Variants in PHF20L1 observed in about 807,000 individuals in gnomAD.
PHF20L1 encodes PHD finger protein 20-like protein 1.
PHF20L1 carries 44 observed loss-of-function variants against 125.5 expected under a neutral mutation model. The observed-to-expected ratio is 0.35, with a 90% confidence interval of 0.28 to 0.45. The LOEUF is 0.45. PHF20L1 is among the 20% of genes least tolerant of loss of function. The probability of loss-of-function intolerance (pLI) is 1.00; values close to 1 mark genes in which losing one functional copy is unlikely to be tolerated. For synonymous variants in PHF20L1, 380 were observed against 403.1 expected, an observed-to-expected ratio of 0.94 and a Z score of 0.69; for missense variants, 1,012 against 1,217.2, an observed-to-expected ratio of 0.83 and a Z score of 2.51.
intron 19 of PHF20L1, chr8:132,843,847 C>G: frequency 1.0e-6 from 1 of 985,164 alleles, no homozygotes; most frequent in Non-Finnish European, 1.2e-6. Context: ...AGAGGCCAGT[C>G]TAAATTAATC....
Position 132,832,307 on chromosome 8 carries a change from G to T in PHF20L1, c.1817G>T (p.Gly606Val). Residue 606 changes from glycine to valine, a missense_variant, in exon 15 of 21, where the codon GGG becomes GTG. Gly to Val is a moderately radical substitution (Grantham distance 109, BLOSUM62 -3). Coordinates refer to ENST00000395386, the MANE Select transcript of PHF20L1 (RefSeq NM_016018.5). ...TCTTCTCCACTAACTCGATCTTCTG[G>T]GAGTTCTCTGGCTTCACGAAGCATG... ...RCSSPLTRSS[G>V]SSLASRSMFT... 6.2e-7 allele frequency: 1 copy of T among 1,609,200 alleles called. No individual in the cohort carries two copies. Among genetic ancestry groups the T allele is most frequent in the African/African-American group, 1.3e-5 (1 of 74,812 alleles).
chr8:132,846,092 T>G lies in PHF20L1; in HGVS notation c.*169T>G. 1 of 529,266 alleles carries G rather than the reference T, an allele frequency of 1.9e-6. No individual in the cohort carries two copies. Among genetic ancestry groups the G allele is most frequent in the Non-Finnish European group, 3.3e-6 (1 of 299,784 alleles). The allele number at this position is 529,266 out of a possible 1,614,324, so 32.8% of individuals were successfully genotyped here. ...GAAAGAAAAATGAAGAACAACTTTA[T>G]CAAGGAAGCTAGTATTTAAAAACAA... is the stretch of plus-strand genomic sequence containing the variant. On this transcript the variant is annotated 3_prime_UTR_variant, in exon 21 of 21. Coordinates refer to ENST00000395386, the MANE Select transcript of PHF20L1 (RefSeq NM_016018.5).
At chr8:132,818,872 A>C (rs1835270081) in intron 12 of PHF20L1, 1 of 151,894 alleles carries the variant, frequency 6.6e-6, no homozygotes, top group Non-Finnish European at 1.5e-5. Context: ...CATTGGGAAA[A>C]TTATTTTCAA....
In PHF20L1 at chr8:132,825,493, G is replaced by C. The variant is rs1165926958; in HGVS notation, c.1744+122G>C. On this transcript the variant is annotated intron_variant, in intron 14 of 20. Coordinates refer to ENST00000395386, the MANE Select transcript of PHF20L1 (RefSeq NM_016018.5). Reference sequence around the variant, plus strand: ...CCGTGTCCCGTGTTGAGAACTGAAAGGTTTCTGTAGCTTTCCTTTGACATG... The same window carrying C: ...CCGTGTCCCGTGTTGAGAACTGAAACGTTTCTGTAGCTTTCCTTTGACATG... 4 of 714,980 alleles carry C rather than the reference G, an allele frequency of 5.6e-6. No homozygotes were observed. The African/African-American group carries it at 7.2e-5, about 13-fold the overall frequency. The allele number at this position is 714,980 out of a possible 1,614,324, so 44.3% of individuals were successfully genotyped here.
intron 18 of PHF20L1, among the ~76,000 whole-genome samples, chr8:132,841,353 G>A (rs1300453535): frequency 1.3e-5 from 2 of 151,894 alleles, no homozygotes; most frequent in African/African-American, 4.8e-5. Context: ...TTGGACTATT[G>A]GACTGCAGTG....
chr8:132,779,346 A>G (rs1460217216), intron 2 of PHF20L1, among the ~76,000 whole-genome samples: 1 of 152,244 alleles, frequency 6.6e-6, no homozygotes, highest in Non-Finnish European at 1.5e-5. Flanking sequence ...GAAACTCAGC[A>G]TTAGACCATG....
intron 14 of PHF20L1, among the ~76,000 whole-genome samples, chr8:132,829,562 T>A (rs1253511744): frequency 3.9e-5 from 6 of 152,058 alleles, no homozygotes; most frequent in Non-Finnish European, 5.9e-5. Flanking sequence ...AATAGCGTAG[T>A]GCTGCCCAAA....
In PHF20L1 at chr8:132,799,152, A is replaced by C. The variant is rs983851316; in HGVS notation, c.487A>C (p.Asn163His). Residue 163 changes from asparagine to histidine, a missense_variant, in exon 6 of 21, where the codon AAC (asparagine) becomes CAC (histidine). By Grantham distance (68) the Asn-to-His change is moderately conservative. Around this residue, in one of 7 missense-constraint regions of PHF20L1, gnomAD observed 134 missense variants for 145.9 expected, o/e 0.92. Transcript: ENST00000395386. ...TCCTATCGACCCAGCTGGATCGTGT[A>C]ACCAGTCTATGGGAAGTGAGGTAAG... is the stretch of plus-strand genomic sequence containing the variant. Reference protein sequence around the residue: ...CCPIDPAGSCNQSMGSEDWIA... With the variant: ...CCPIDPAGSCHQSMGSEDWIA... 9 of 1,608,910 alleles carry C rather than the reference A, an allele frequency of 5.6e-6. No individual in the cohort carries two copies. The highest frequency in any genetic ancestry group is 5.4e-5 in the African/African-American group (4 of 74,744).
intron 2 of PHF20L1, among the ~76,000 whole-genome samples, chr8:132,793,950 C>T (rs967685644): frequency 2.6e-5 from 4 of 152,144 alleles, no homozygotes; most frequent in Non-Finnish European, 5.9e-5. Flanking sequence ...TTTGTAAACA[C>T]CACATTCAGT....
chr8:132,782,082 A>G (rs1325853274), intron 2 of PHF20L1, among the ~76,000 whole-genome samples: 1 of 152,206 alleles, frequency 6.6e-6, no homozygotes. Flanking sequence ...TTTCACCACA[A>G]ACTCTGTGCA....
At chr8:132,806,655 T>C (rs1833742109) in intron 8 of PHF20L1, 1 of 152,106 alleles carries the variant, frequency 6.6e-6, no homozygotes, top group Non-Finnish European at 1.5e-5. Context: ...TCTTCAACAG[T>C]TGAAATTCAG....
chr8:132,828,859 T>C (rs543430120), intron 14 of PHF20L1, among the ~76,000 whole-genome samples: 6 of 152,182 alleles, frequency 3.9e-5, no homozygotes, highest in African/African-American at 1.4e-4. Context: ...ATTGAAAGCA[T>C]TGCATAGTAA....
chr8:132,805,652 T>C (rs776383445), intron 8 of PHF20L1, among the ~76,000 whole-genome samples: 3 of 151,952 alleles, frequency 2.0e-5, no homozygotes, highest in Non-Finnish European at 4.4e-5. Flanking sequence ...GATTTCATGG[T>C]CAGATTTAGG....
In PHF20L1 at chr8:132,814,871, T is replaced by C. The variant is rs758090763; in HGVS notation, c.1165T>C (p.Ser389Pro). ...DLTLVSQLSSSVINKTSPPQP... is the reference protein window; with the variant it reads ...DLTLVSQLSSPVINKTSPPQP... ...GACGCTTGTATCTCAGCTTTCTTCT[T>C]CAGTGATAAATAAAACTAGTGAGCA... Residue 389 changes from serine to proline, a missense_variant, in exon 10 of 21, where the codon TCA becomes CCA. Coordinates refer to ENST00000395386, the MANE Select transcript of PHF20L1 (RefSeq NM_016018.5). The C allele has an allele frequency of 3.7e-6, 6 of 1,604,766 alleles. No individual in the cohort carries two copies. In the Admixed American group the frequency reaches 1.0e-4, roughly 27 times the overall value.
chr8:132,846,093 C>T lies in PHF20L1; in HGVS notation c.*170C>T. On this transcript the variant is annotated 3_prime_UTR_variant, in exon 21 of 21. Transcript: ENST00000395386. ...AAAGAAAAATGAAGAACAACTTTAT[C>T]AAGGAAGCTAGTATTTAAAAACAAA... The T allele has an allele frequency of 7.5e-6, 4 of 530,240 alleles. No individual in the cohort carries two copies. The highest frequency in any genetic ancestry group is 1.3e-5 in the Non-Finnish European group (4 of 300,656). The allele number at this position is 530,240 out of a possible 1,614,324, so 32.8% of individuals were successfully genotyped here. A position where few individuals can be genotyped will look rare whatever the true frequency, so the allele number is the denominator to read the frequency against.
chr8:132,822,111 A>G (rs1207254521), intron 12 of PHF20L1, among the ~76,000 whole-genome samples: 1 of 151,836 alleles, frequency 6.6e-6, no homozygotes, highest in African/African-American at 2.4e-5. Context: ...ACCCTTTATG[A>G]GTCTCCCAGT....
intron 6 of PHF20L1, among the ~76,000 whole-genome samples, chr8:132,801,099 G>A (rs758963937): frequency 2.0e-5 from 3 of 151,572 alleles, no homozygotes; most frequent in Non-Finnish European, 3.0e-5. Flanking sequence ...ACCCTAATAA[G>A]AGCAGTAGTA....
At chr8:132,821,241 CT>C (rs1303044680) in intron 12 of PHF20L1, among the ~76,000 whole-genome samples, 1 of 151,922 alleles carries the variant, frequency 6.6e-6, no homozygotes, top group African/African-American at 2.4e-5. Flanking sequence ...TACATAGATA[CT>C]ATGATACTAT....
At position 132,839,546 on chromosome 8, in the gene PHF20L1, T is replaced by G; in HGVS notation, c.2351T>G (p.Val784Gly). 6.2e-7 allele frequency: 1 copy of G among 1,613,454 alleles called. No individual in the cohort carries two copies. The highest frequency in any genetic ancestry group is 8.5e-7 in the Non-Finnish European group (1 of 1,179,596). The change falls in exon 18 of 21, where the codon GTG becomes GGG. Residue 784 changes from valine to glycine, a missense_variant. Transcript: ENST00000395386. The stretch of plus-strand genomic sequence containing the variant: ...GCTGATGTCTATGGTGTTACAGAAG[T>G]GCTACACGGGCTACAGCTGAAGATT... Reference protein sequence around the residue: ...LLADVYGVTEVLHGLQLKIGI... With the variant: ...LLADVYGVTEGLHGLQLKIGI...
Sources: gnomAD v4.1 joint callset for allele counts (sites outside exome capture counted in the v4.1 genomes callset) on GRCh38, gnomAD v4.1.1 for gene constraint, gnomAD v4.1.1 regional missense constraint, MANE v1.5 for transcripts, NCBI Gene and HGNC (gene_info 2026-07-23, HGNC 2026-07-21) for gene names.